Variants in FANCD2OS observed in about 807,000 individuals in gnomAD.
The protein encoded by FANCD2OS is FANCD2 opposite strand protein.
A neutral mutation model predicts 13.2 loss-of-function variants in FANCD2OS; 11 were observed. The ratio of observed to expected loss-of-function variants is 0.83; its 90% CI spans 0.52 to 1.38. FANCD2OS has a LOEUF of 1.38. Among genes scored for constraint, FANCD2OS ranks in the 40% most tolerant of loss-of-function variants. FANCD2OS has a pLI of 0.00. For missense variants in FANCD2OS, 217 were observed against 213.9 expected (o/e 1.01, Z -0.09); for synonymous variants, 69 against 84.5 (o/e 0.82, Z 1.01).
Position 10,104,610 on chromosome 3 carries a change from G to A in FANCD2OS, c.165C>T (p.Val55=), listed in dbSNP as rs376645216. The A allele has an allele frequency of 6.8e-6, 11 of 1,614,184 alleles. No individual in the cohort carries two copies. The highest frequency in any genetic ancestry group is 9.3e-6 in the Non-Finnish European group (11 of 1,180,046). Residue 55 remains valine, a synonymous_variant, in exon 2 of 2, where the codon GTC becomes GTT. Coordinates refer to ENST00000450660, the MANE Select transcript of FANCD2OS (RefSeq NM_001164839.2). ...GGAATGGGCTGTCTAGGACTAGAGTGACCTCTTGAAAGCACAGCTGCACTT... is the reference window on the plus strand; with the variant it reads ...GGAATGGGCTGTCTAGGACTAGAGTAACCTCTTGAAAGCACAGCTGCACTT... ...DLEVQLCFQE[V]TLVLDSPFLE... is the part of the protein sequence containing the mutation.
rs766386381 is a variant in FANCD2OS, at chr3:10,104,327, T to C, written c.448A>G (p.Thr150Ala). Reference protein sequence around the residue: ...LKEPQIQMTVTMCKQMLRSIL... With the variant: ...LKEPQIQMTVAMCKQMLRSIL... ...GAGCGCAGCATCTGTTTGCACATAG[T>C]GACTGTCATCTGAATCTGAGGCTCC... The change falls in exon 2 of 2, where the codon ACT (threonine) becomes GCT (alanine). Residue 150 changes from threonine to alanine, a missense_variant. Transcript: ENST00000450660. 1.5e-5 allele frequency: 25 copies of C among 1,614,200 alleles called. 1 individual carries two copies. The South Asian group carries it at 2.5e-4, about 16-fold the overall frequency.
downstream of FANCD2OS, chr3:10,101,092 A>C (rs1695271498): frequency 2.2e-6 from 2 of 926,596 alleles, no homozygotes; most frequent in Admixed American, 3.9e-5. Context: ...TTTAACAGTG[A>C]TAATAGTACA....
At chr3:10,095,341 A>C in intron 2 of FANCD2OS, 1 of 1,238,470 alleles carries the variant, frequency 8.1e-7, no homozygotes, top group Non-Finnish European at 1.2e-6. Context: ...CTATTGGGGG[A>C]TCCATGGGCT....
chr3:10,089,659 T>C (rs1419378972), intron 2 of FANCD2OS, among the ~76,000 whole-genome samples: 3 of 152,024 alleles, frequency 2.0e-5, no homozygotes, highest in Non-Finnish European at 4.4e-5. Flanking sequence ...TAGTAGAGAT[T>C]GGGTTTCACC....
downstream of FANCD2OS, chr3:10,098,606 G>T: frequency 7.5e-7 from 1 of 1,340,164 alleles, no homozygotes; most frequent in South Asian, 1.3e-5. Flanking sequence ...TGTTTGCTGT[G>T]TTTTGAATGG....
chr3:10,096,367 C>T, intron 2 of FANCD2OS: 1 of 1,614,002 alleles, frequency 6.2e-7, no homozygotes, highest in East Asian at 2.2e-5. Context: ...TGCCTCTGCT[C>T]AAAAAGACCC....
intron 1 of FANCD2OS, among the ~76,000 whole-genome samples, chr3:10,105,818 A>ATT (rs1695483190): frequency 4.0e-5 from 3 of 75,468 alleles, no homozygotes; most frequent in Non-Finnish European, 7.7e-5. Context: ...ATATATATAT[A>ATT]TATTTTGAGG....
intron 2 of FANCD2OS, chr3:10,088,978 C>T (rs998063568): frequency 6.2e-7 from 1 of 1,612,976 alleles, no homozygotes; most frequent in African/African-American, 1.3e-5. Flanking sequence ...TCCAGTTTTT[C>T]CCTTAAGATA....
Position 10,084,757 on chromosome 3 carries a change from G to A in FANCD2OS, c.*44-3226C>T, listed in dbSNP as rs140609464. Among the ~76,000 whole-genome samples, 25 of 152,306 alleles carry A rather than the reference G, an allele frequency of 1.6e-4. 1 individual carries two copies. The highest frequency in any genetic ancestry group is 3.9e-4 in the Admixed American group (6 of 15,300). On this transcript the variant is annotated intron_variant, in intron 2 of 2. Coordinates refer to the FANCD2OS transcript ENST00000524279. The stretch of plus-strand genomic sequence containing the variant: ...GGTGATCAGGAAGATGCTTCTAGAG[G>A]AGAAGATCTAGGACGTCAGATTGTG...
chr3:10,105,762 AAAAAAAAAATTATATATAT>A (rs1254417535), intron 1 of FANCD2OS, among the ~76,000 whole-genome samples: 12 of 75,048 alleles, frequency 1.6e-4, no homozygotes, highest in African/African-American at 1.4e-3. Flanking sequence ...AAAAAAAAAA[AAAAAAAAAATTATATATAT>A]ATATATATAT....
intron 2 of FANCD2OS, among the ~76,000 whole-genome samples, chr3:10,090,078 A>G (rs1694494311): frequency 6.6e-6 from 1 of 151,652 alleles, no homozygotes; most frequent in African/African-American, 2.4e-5. Context: ...CTACCATAAC[A>G]CCTCCTTTCA....
At chr3:10,088,405 T>C (rs756183300) in intron 2 of FANCD2OS, 1 of 1,166,432 alleles carries the variant, frequency 8.6e-7, no homozygotes, top group Middle Eastern at 1.9e-4. Flanking sequence ...AAGAATGAGG[T>C]CAAGTTCCCA....
chr3:10,090,127 G>T (rs540764870), intron 2 of FANCD2OS, among the ~76,000 whole-genome samples: 33 of 152,188 alleles, frequency 2.2e-4, no homozygotes, highest in South Asian at 1.9e-3. Flanking sequence ...ATCTTCTTGG[G>T]CTTATTACTG....
At chr3:10,105,595 C>G (rs536453197) in intron 1 of FANCD2OS, among the ~76,000 whole-genome samples, 3 of 150,636 alleles carry the variant, frequency 2.0e-5, no homozygotes, top group African/African-American at 7.3e-5. Flanking sequence ...ACTAAAAATA[C>G]AAAAATTAGC....
intron 2 of FANCD2OS, chr3:10,087,372 C>T (rs2125073934): frequency 1.8e-6 from 2 of 1,086,356 alleles, no homozygotes; most frequent in South Asian, 1.4e-5. Context: ...TAAATCCCCA[C>T]ATAACCTTGG....
chr3:10,095,218 C>A (rs1453799835), intron 2 of FANCD2OS: 1 of 1,614,032 alleles, frequency 6.2e-7, no homozygotes, highest in South Asian at 1.1e-5. Flanking sequence ...TCTGAGCTTA[C>A]TGGAAACCTT....
chr3:10,086,676 G>A (rs1396236121), intron 2 of FANCD2OS, among the ~76,000 whole-genome samples: 1 of 152,008 alleles, frequency 6.6e-6, no homozygotes. Context: ...AGATGTTTTC[G>A]ACATGTGGCC....
intron 2 of FANCD2OS, chr3:10,094,432 T>A: frequency 7.4e-7 from 1 of 1,344,748 alleles, no homozygotes; most frequent in Non-Finnish European, 1.1e-6. Flanking sequence ...CCTTGGTGAC[T>A]CCTGGGTGGG....
chr3:10,096,532 A>C, intron 2 of FANCD2OS: 2 of 1,538,948 alleles, frequency 1.3e-6, no homozygotes, highest in South Asian at 2.2e-5. Context: ...ACAGCATCAG[A>C]TGGCATGTAA....
Sources: allele counts gnomAD v4.1 joint callset (sites outside exome capture counted in the v4.1 genomes callset), GRCh38; gene constraint gnomAD v4.1.1; transcripts MANE v1.5; gene names NCBI Gene and HGNC (gene_info 2026-07-23, HGNC 2026-07-21).